The following RARB variants were observed in gnomAD, a reference collection of about 807,000 sequenced individuals.
RARB encodes retinoic acid receptor beta, also known as HBV-activated protein.
Under a neutral mutation model 51.9 loss-of-function variants are expected in RARB, and 17 were observed. That is an observed-to-expected ratio of 0.33 (90% CI 0.22 to 0.49). The LOEUF is 0.49. Ranked by LOEUF, RARB falls within the 20% of genes least tolerant of loss-of-function variation. The pLI is 0.99. For missense variants in RARB, 369 were observed against 550.8 expected, an observed-to-expected ratio of 0.67 and a Z score of 3.30; for synonymous variants, 215 against 195.4, an observed-to-expected ratio of 1.10 and a Z score of -0.84.
At chr3:25,107,720 A>G (rs1699532982) in intron 3 of RARB, among the ~76,000 whole-genome samples, 1 of 152,224 alleles carries the variant, frequency 6.6e-6, no homozygotes, top group Non-Finnish European at 1.5e-5. Flanking sequence ...TAAAATAGGA[A>G]AATGGTAATA....
chr3:25,158,692 G>A (rs1700417268), intron 4 of RARB, among the ~76,000 whole-genome samples: 1 of 152,134 alleles, frequency 6.6e-6, no homozygotes, highest in African/African-American at 2.4e-5. Context: ...GACTTTATTT[G>A]TCCAGTTATA....
At chr3:25,510,803 G>T (rs1474957901) in intron 3 of RARB, among the ~76,000 whole-genome samples, 1 of 152,108 alleles carries the variant, frequency 6.6e-6, no homozygotes, top group African/African-American at 2.4e-5. Flanking sequence ...AATATTTATT[G>T]TCTTTTTATT....
intron 2 of RARB, among the ~76,000 whole-genome samples, chr3:25,469,881 G>A (rs2125566665): frequency 6.6e-6 from 1 of 152,282 alleles, no homozygotes; most frequent in Non-Finnish European, 1.5e-5. Context: ...GGCTTTTGGG[G>A]AATGACCAGG....
At chr3:25,516,989 A>T (rs1419329895) in intron 3 of RARB, among the ~76,000 whole-genome samples, 1 of 152,204 alleles carries the variant, frequency 6.6e-6, no homozygotes, top group African/African-American at 2.4e-5. Flanking sequence ...CAGAAAAGAA[A>T]GCAGTAAAAA....
chr3:25,234,742 G>T (rs1702263994), intron 5 of RARB, among the ~76,000 whole-genome samples: 1 of 151,968 alleles, frequency 6.6e-6, no homozygotes, highest in Non-Finnish European at 1.5e-5. Flanking sequence ...GTACATTTCA[G>T]AGTGATTATC....
intron 5 of RARB, among the ~76,000 whole-genome samples, chr3:25,365,314 G>A (rs1706084086): frequency 7.1e-6 from 1 of 141,440 alleles, no homozygotes; most frequent in African/African-American, 2.6e-5. Flanking sequence ...GTTTCACCAT[G>A]TTGCCCAGAT....
chr3:25,501,174 G>A lies in RARB; in HGVS notation c.307-8G>A. 1 of 1,565,274 alleles carries A rather than the reference G, an allele frequency of 6.4e-7. No homozygotes were observed. The highest frequency in any genetic ancestry group is 8.6e-7 in the Non-Finnish European group (1 of 1,162,692). ...ACTGAGTTTTTTCATCTTCTTGCTT[G>A]CTTGCAGGGCTTTTTCCGCAGAAGT... On this transcript the variant is annotated splice_region_variant and splice_polypyrimidine_tract_variant and intron_variant, in intron 2 of 7. Coordinates refer to ENST00000330688, the MANE Select transcript of RARB (RefSeq NM_000965.5).
intron 3 of RARB, among the ~76,000 whole-genome samples, chr3:25,565,441 C>CTAT (rs144655011): frequency 3.3e-5 from 5 of 151,954 alleles, no homozygotes; most frequent in South Asian, 2.1e-4. Context: ...TGCCAATATT[C>CTAT]TATTATTATT....
At chr3:25,004,168 C>T (rs961802210) in intron 2 of RARB, among the ~76,000 whole-genome samples, 9 of 152,084 alleles carry the variant, frequency 5.9e-5, no homozygotes, top group African/African-American at 2.2e-4. Context: ...AGGGCTAAGG[C>T]AGTGATGACC....
At chr3:25,264,900 C>A (rs995742889) in intron 5 of RARB, among the ~76,000 whole-genome samples, 3 of 152,050 alleles carry the variant, frequency 2.0e-5, no homozygotes, top group Admixed American at 6.6e-5. Flanking sequence ...TGAATGTATA[C>A]CCAGAAATTC....
chr3:25,544,314 C>T (rs1016269977), intron 3 of RARB, among the ~76,000 whole-genome samples: 3 of 152,158 alleles, frequency 2.0e-5, no homozygotes, highest in Non-Finnish European at 1.5e-5. Flanking sequence ...CAAGTTTCAG[C>T]AATTTCTAAA....
chr3:25,531,626 C>A, intron 3 of RARB, among the ~76,000 whole-genome samples: 1 of 151,208 alleles, frequency 6.6e-6, no homozygotes, highest in East Asian at 1.9e-4. Flanking sequence ...ATTTGGTTAG[C>A]AAACGCTCTC....
chr3:24,989,016 G>T (rs1423031453), intron 2 of RARB, among the ~76,000 whole-genome samples: 1 of 151,930 alleles, frequency 6.6e-6, no homozygotes, highest in Non-Finnish European at 1.5e-5. Flanking sequence ...ATTAGAGACA[G>T]GGTTTCACCA....
At chr3:25,107,766 AACTT>A (rs1455632745) in intron 3 of RARB, among the ~76,000 whole-genome samples, 1 of 152,234 alleles carries the variant, frequency 6.6e-6, no homozygotes. Context: ...AATTGTGACT[AACTT>A]CTGCAGTTTG....
intron 2 of RARB, among the ~76,000 whole-genome samples, chr3:25,046,805 T>C (rs1408994008): frequency 1.3e-5 from 2 of 152,186 alleles, no homozygotes; most frequent in African/African-American, 2.4e-5. Flanking sequence ...ATATTAAGCT[T>C]GACTAATAGT....
chr3:25,341,058 G>A (rs1256985065), intron 5 of RARB, among the ~76,000 whole-genome samples: 1 of 152,154 alleles, frequency 6.6e-6, no homozygotes, highest in Admixed American at 6.5e-5. Context: ...GAAAGGACAT[G>A]CAGCCAGCAG....
intron 2 of RARB, among the ~76,000 whole-genome samples, chr3:24,930,457 A>G (rs1249559309): frequency 6.6e-6 from 1 of 152,104 alleles, no homozygotes; most frequent in Non-Finnish European, 1.5e-5. Context: ...ATCATGAGAT[A>G]AAACCAATGA....
At chr3:25,469,687 C>T (rs985138367) in intron 2 of RARB, among the ~76,000 whole-genome samples, 6 of 152,180 alleles carry the variant, frequency 3.9e-5, no homozygotes, top group Non-Finnish European at 7.3e-5. Flanking sequence ...TTCCATGAGA[C>T]AGCTCCAGGA....
At chr3:25,328,205 T>G (rs1316483685) in intron 5 of RARB, among the ~76,000 whole-genome samples, 1 of 152,248 alleles carries the variant, frequency 6.6e-6, no homozygotes, top group African/African-American at 2.4e-5. Context: ...GAGATCAGGA[T>G]AAACGGATGA....
Sources: allele counts gnomAD v4.1 joint callset (sites outside exome capture counted in the v4.1 genomes callset), GRCh38; gene constraint gnomAD v4.1.1; transcripts MANE v1.5; gene names NCBI Gene and HGNC (gene_info 2026-07-23, HGNC 2026-07-21).